Variants in SNTB1 observed in about 807,000 individuals in gnomAD.
The protein encoded by SNTB1 is beta-1-syntrophin.
In SNTB1, 36 loss-of-function variants were observed where a neutral mutation model predicts 48.9. The ratio of observed to expected loss-of-function variants is 0.74; its 90% confidence interval spans 0.56 to 0.97. The LOEUF is 0.97. SNTB1 is among the 50% of genes least tolerant of loss of function. SNTB1 has a pLI of 0.00. For missense variants in SNTB1, 786 were observed against 703.4 expected, an observed-to-expected ratio of 1.12 and a Z score of -1.33; for synonymous variants, 299 against 294.6, an observed-to-expected ratio of 1.01 and a Z score of -0.15.
chr8:120,677,845 G>C (rs1190609311), intron 2 of SNTB1, among the ~76,000 whole-genome samples: 1 of 152,186 alleles, frequency 6.6e-6, no homozygotes, highest in Non-Finnish European at 1.5e-5. Context: ...TGGTCTGAAA[G>C]TCAATTATCT....
intron 5 of SNTB1, chr8:120,542,225 C>CT (rs1815300904): frequency 2.1e-6 from 1 of 472,322 alleles, no homozygotes; most frequent in African/African-American, 2.0e-5. Context: ...AAAGAAATTC[C>CT]TTTTTCTAGG....
intron 1 of SNTB1, among the ~76,000 whole-genome samples, chr8:120,803,021 C>CA (rs138600845): frequency 0.019 from 2,724 of 146,698 alleles, 42 homozygotes; most frequent in Middle Eastern, 0.039. Context: ...CAAAAAACAA[C>CA]AAAAAAAAAA....
chr8:120,807,661 A>T (rs187556695), intron 1 of SNTB1, among the ~76,000 whole-genome samples: 48 of 152,318 alleles, frequency 3.2e-4, no homozygotes, highest in African/African-American at 1.1e-3. Context: ...TAGGTTTTTA[A>T]GACTCACTCC....
intron 2 of SNTB1, among the ~76,000 whole-genome samples, chr8:120,655,821 T>C (rs62526723): frequency 0.37 from 56,946 of 152,106 alleles, 12,445 homozygotes; most frequent in Non-Finnish European, 0.49. Context: ...ATGGCAATTC[T>C]GAAGGAGGCA....
At chr8:120,805,242 C>T (rs1222143389) in intron 1 of SNTB1, among the ~76,000 whole-genome samples, 1 of 151,984 alleles carries the variant, frequency 6.6e-6, no homozygotes, top group African/African-American at 2.4e-5. Flanking sequence ...CTCCTCCAAA[C>T]ACACCCACGT....
At chr8:120,808,995 T>C (rs990184580) in intron 1 of SNTB1, among the ~76,000 whole-genome samples, 8 of 152,170 alleles carry the variant, frequency 5.3e-5, no homozygotes, top group Admixed American at 3.3e-4. Context: ...AAGCCTCTCC[T>C]ATGTAGAAAC....
chr8:120,590,441 A>AG (rs34472319), intron 3 of SNTB1, among the ~76,000 whole-genome samples: 6,473 of 152,228 alleles, frequency 0.043, 470 homozygotes, highest in African/African-American at 0.15. Flanking sequence ...CAATCAAATG[A>AG]GTAACAGATG....
intron 3 of SNTB1, among the ~76,000 whole-genome samples, chr8:120,618,771 C>T (rs1195629364): frequency 6.6e-6 from 1 of 152,142 alleles, no homozygotes; most frequent in Admixed American, 6.5e-5. Flanking sequence ...AGTTATTATT[C>T]AAGTTAAAGC....
intron 2 of SNTB1, among the ~76,000 whole-genome samples, chr8:120,692,710 T>C (rs2129859549): frequency 1.3e-5 from 2 of 152,282 alleles, no homozygotes; most frequent in Non-Finnish European, 2.9e-5. Context: ...CATAAAGAGA[T>C]GCTTAAAGTA....
At chr8:120,797,923 G>A (rs933931115) in intron 1 of SNTB1, among the ~76,000 whole-genome samples, 2 of 151,890 alleles carry the variant, frequency 1.3e-5, no homozygotes, top group East Asian at 1.9e-4. Context: ...GCTTTTGATC[G>A]TCACTCTGTG....
At chr8:120,651,558 C>A (rs1375066368) in intron 2 of SNTB1, among the ~76,000 whole-genome samples, 1 of 152,148 alleles carries the variant, frequency 6.6e-6, no homozygotes, top group Non-Finnish European at 1.5e-5. Context: ...AGAATGGTTT[C>A]ATTTTTTTAG....
chr8:120,606,394 T>C (rs2130725325), intron 3 of SNTB1, among the ~76,000 whole-genome samples: 1 of 121,230 alleles, frequency 8.2e-6, no homozygotes, highest in African/African-American at 3.0e-5. Flanking sequence ...ACTATGTCAG[T>C]GCGTGTGTGT....
At chr8:120,763,000 T>C (rs1356609308) in intron 1 of SNTB1, among the ~76,000 whole-genome samples, 1 of 152,232 alleles carries the variant, frequency 6.6e-6, no homozygotes, top group Non-Finnish European at 1.5e-5. Context: ...AAGCTGAGGC[T>C]CAGAGGTTCA....
intron 1 of SNTB1, among the ~76,000 whole-genome samples, chr8:120,797,062 T>C (rs1174401277): frequency 2.0e-5 from 3 of 152,056 alleles, no homozygotes; most frequent in Non-Finnish European, 4.4e-5. Flanking sequence ...CAGATAGTTC[T>C]CCCAGGCCTA....
chr8:120,677,917 C>T (rs766783803), intron 2 of SNTB1, among the ~76,000 whole-genome samples: 3 of 152,014 alleles, frequency 2.0e-5, no homozygotes, highest in Non-Finnish European at 4.4e-5. Context: ...AAAATAGCTC[C>T]AAGAATTCTA....
intron 1 of SNTB1, among the ~76,000 whole-genome samples, chr8:120,699,265 A>G (rs1345577156): frequency 6.6e-6 from 1 of 152,202 alleles, no homozygotes; most frequent in Admixed American, 6.5e-5. Flanking sequence ...ACAACCTGAT[A>G]TGGTTTGAAT....
At chr8:120,737,893 A>G (rs1219712090) in intron 1 of SNTB1, among the ~76,000 whole-genome samples, 1 of 152,200 alleles carries the variant, frequency 6.6e-6, no homozygotes, top group Non-Finnish European at 1.5e-5. Context: ...CTATAGAGTT[A>G]GTGTGTTATT....
intron 1 of SNTB1, among the ~76,000 whole-genome samples, chr8:120,799,184 C>G (rs543696433): frequency 1.5e-4 from 23 of 152,160 alleles, no homozygotes; most frequent in Non-Finnish European, 2.6e-4. Context: ...TGTCTCATGT[C>G]TGCACTTTAC....
intron 3 of SNTB1, among the ~76,000 whole-genome samples, chr8:120,584,438 C>CAAAAAAA (rs11443743): frequency 5.8e-4 from 33 of 57,014 alleles, no homozygotes; most frequent in African/African-American, 2.0e-3. Flanking sequence ...AACTCCATCT[C>CAAAAAAA]AAAAAAAAAA....
Sources: gnomAD v4.1 joint callset for allele counts (sites outside exome capture counted in the v4.1 genomes callset) on GRCh38, gnomAD v4.1.1 for gene constraint, MANE v1.5 for transcripts, NCBI Gene and HGNC (gene_info 2026-07-23, HGNC 2026-07-21) for gene names.